Variants in MACROD2 observed in about 807,000 individuals in gnomAD.
MACROD2 encodes ADP-ribose glycohydrolase MACROD2.
A neutral mutation model predicts 70.4 loss-of-function variants in MACROD2; 36 were observed. The observed-to-expected ratio is 0.51, with a 90% confidence interval of 0.39 to 0.68. The LOEUF (loss-of-function observed/expected upper bound fraction) is 0.68, where lower values mean the gene tolerates loss of function less well. MACROD2 is among the 30% of genes least tolerant of loss of function. The pLI is 0.00. For missense variants in MACROD2, 496 were observed against 538.4 expected, an observed-to-expected ratio of 0.92 and a Z score of 0.78; for synonymous variants, 172 against 178.8, an observed-to-expected ratio of 0.96 and a Z score of 0.30.
intron 3 of MACROD2, among the ~76,000 whole-genome samples, chr20:14,255,914 T>G (rs999296376): frequency 2.6e-5 from 4 of 151,972 alleles, no homozygotes; most frequent in Non-Finnish European, 5.9e-5. Flanking sequence ...TGTTGTTTTT[T>G]TCTTTTCTTT....
At chr20:15,327,892 G>A (rs1175133937) in intron 6 of MACROD2, among the ~76,000 whole-genome samples, 1 of 151,848 alleles carries the variant, frequency 6.6e-6, no homozygotes, top group African/African-American at 2.4e-5. Context: ...TATGTATCAG[G>A]GACTGGTCTA....
At chr20:15,598,487 C>G (rs564468824) in intron 8 of MACROD2, among the ~76,000 whole-genome samples, 1 of 152,278 alleles carries the variant, frequency 6.6e-6, no homozygotes, top group Non-Finnish European at 1.5e-5. Context: ...TCCTGCCAAC[C>G]CACCAGTCTG....
intron 5 of MACROD2, among the ~76,000 whole-genome samples, chr20:14,776,774 T>G (rs1304119279): frequency 2.0e-5 from 3 of 152,122 alleles, no homozygotes; most frequent in Non-Finnish European, 4.4e-5. Context: ...TTTTACCAGC[T>G]GGATGTTTTT....
intron 3 of MACROD2, among the ~76,000 whole-genome samples, chr20:14,153,285 G>A (rs897026326): frequency 2.0e-5 from 3 of 152,142 alleles, no homozygotes; most frequent in African/African-American, 7.2e-5. Flanking sequence ...AGTGGCAGGA[G>A]TATATATAGA....
At position 15,380,260 on chromosome 20, in the gene MACROD2, G is replaced by T. The variant is rs529571115; in HGVS notation, c.541-51145G>T. On this transcript the variant is annotated intron_variant, in intron 6 of 17. Transcript: ENST00000684519. ...CATCTATTTTTGTAGCAGGATGTTA[G>T]AATGAAAGTTTTAGTTGGGAAATAT... Among the ~76,000 whole-genome samples, 13 of 152,232 alleles carry T rather than the reference G, an allele frequency of 8.5e-5. No homozygotes were observed. The South Asian group carries it at 2.7e-3, about 32-fold the overall frequency.
At chr20:14,500,754 G>C (rs1490056375) in intron 4 of MACROD2, among the ~76,000 whole-genome samples, 1 of 152,156 alleles carries the variant, frequency 6.6e-6, no homozygotes, top group Non-Finnish European at 1.5e-5. Flanking sequence ...ACTTCTAAGT[G>C]AACCTCCCTG....
intron 5 of MACROD2, among the ~76,000 whole-genome samples, chr20:14,969,273 G>C (rs143789203): frequency 0.022 from 3,304 of 151,178 alleles, 130 homozygotes; most frequent in African/African-American, 0.075. Flanking sequence ...TGATCTGGTG[G>C]CCTTTTGTTA....
At chr20:14,253,862 T>G (rs2082031676) in intron 3 of MACROD2, among the ~76,000 whole-genome samples, 1 of 152,108 alleles carries the variant, frequency 6.6e-6, no homozygotes, top group Non-Finnish European at 1.5e-5. Context: ...ATTTATTTGT[T>G]TCATATGCCC....
chr20:14,220,349 G>A lies in MACROD2; in HGVS notation c.271+134621G>A, dbSNP rs572730060. 3.3e-5 allele frequency among the ~76,000 whole-genome samples: 5 copies of A among 152,232 alleles called. No homozygotes were observed. In the East Asian group the frequency reaches 9.7e-4, roughly 29 times the overall value. ...GTCACAGGCCTCACCCAACTCCCAT[G>A]CAAATGAAAGGGCTGGTCTCACTCC... On this transcript the variant is annotated intron_variant, in intron 3 of 17. Coordinates refer to ENST00000684519, the MANE Select transcript of MACROD2 (RefSeq NM_001351661.2).
chr20:14,662,118 A>G (rs75080039), intron 4 of MACROD2, among the ~76,000 whole-genome samples: 6,729 of 152,148 alleles, frequency 0.044, 477 homozygotes, highest in African/African-American at 0.15. Flanking sequence ...TTCTAAAAAG[A>G]ACTAAAAAAA....
At position 14,277,411 on chromosome 20, in the gene MACROD2, C is replaced by G. The variant is rs576606925; in HGVS notation, c.271+191683C>G. 1.4e-4 allele frequency among the ~76,000 whole-genome samples: 21 copies of G among 152,310 alleles called. No homozygotes were observed. In the South Asian group the frequency reaches 3.1e-3, roughly 23 times the overall value. On this transcript the variant is annotated intron_variant, in intron 3 of 17. Transcript: ENST00000684519. Reference sequence around the variant, plus strand: ...GTTGCAGTGATCACGCCACTGCACTCCAGCGTGGTGACAGAGTGAGACTCC... The same window carrying G: ...GTTGCAGTGATCACGCCACTGCACTGCAGCGTGGTGACAGAGTGAGACTCC...
intron 1 of MACROD2, among the ~76,000 whole-genome samples, 175 bp from the exon 2 acceptor site, chr20:14,002,113 A>G (rs990808875): frequency 2.0e-5 from 3 of 152,198 alleles, no homozygotes; most frequent in Non-Finnish European, 4.4e-5. Flanking sequence ...TCCCCTGGTA[A>G]TATGAAATTT....
chr20:14,472,821 G>T (rs576951914), intron 3 of MACROD2, among the ~76,000 whole-genome samples: 1 of 152,164 alleles, frequency 6.6e-6, no homozygotes, highest in African/African-American at 2.4e-5. Flanking sequence ...GTATTTGGTG[G>T]TCCTGGTGAG....
intron 5 of MACROD2, among the ~76,000 whole-genome samples, chr20:14,738,738 T>C (rs6034023): frequency 0.011 from 1,645 of 151,900 alleles, 26 homozygotes; most frequent in African/African-American, 0.038. Context: ...ATAAAATATC[T>C]ACTCAATCCA....
chr20:14,845,384 G>A (rs570532467), intron 5 of MACROD2, among the ~76,000 whole-genome samples: 1 of 152,058 alleles, frequency 6.6e-6, no homozygotes, highest in African/African-American at 2.4e-5. Context: ...TTTAACCTAA[G>A]ATTACTGAGA....
At chr20:14,080,957 C>T (rs2053986039) in intron 2 of MACROD2, among the ~76,000 whole-genome samples, 1 of 152,238 alleles carries the variant, frequency 6.6e-6, no homozygotes, top group Non-Finnish European at 1.5e-5. Context: ...AGAATCTCTT[C>T]TTTCCTTGAA....
intron 5 of MACROD2, among the ~76,000 whole-genome samples, chr20:14,853,843 G>A (rs1038839131): frequency 2.0e-5 from 3 of 152,014 alleles, no homozygotes; most frequent in Non-Finnish European, 4.4e-5. Flanking sequence ...TTTTGGTGCT[G>A]GAAGTGGGAA....
At chr20:16,010,342 A>G (rs2066846999) in intron 15 of MACROD2, among the ~76,000 whole-genome samples, 1 of 152,154 alleles carries the variant, frequency 6.6e-6, no homozygotes, top group Non-Finnish European at 1.5e-5. Flanking sequence ...TGCTCTGTGT[A>G]CAAAATCCCA....
intron 3 of MACROD2, among the ~76,000 whole-genome samples, chr20:14,425,578 G>A (rs1379680975): frequency 6.6e-6 from 1 of 152,098 alleles, no homozygotes; most frequent in African/African-American, 2.4e-5. Context: ...CATTTAATCT[G>A]TTACCTAAAT....
Sources: allele counts gnomAD v4.1 joint callset (sites outside exome capture counted in the v4.1 genomes callset), GRCh38; gene constraint gnomAD v4.1.1; transcripts MANE v1.5; gene names NCBI Gene and HGNC (gene_info 2026-07-23, HGNC 2026-07-21).